The following MAP3K3 variants were observed in gnomAD, a reference collection of about 807,000 sequenced individuals.
The protein encoded by MAP3K3 is MAP/ERK kinase kinase 3.
A neutral mutation model predicts 80.9 loss-of-function variants in MAP3K3; 12 were observed. The ratio of observed to expected loss-of-function variants is 0.15; its 90% CI spans 0.10 to 0.24. The LOEUF is 0.24. Among genes scored for constraint, MAP3K3 ranks in the 10% least tolerant of loss-of-function variants. The pLI, the probability that MAP3K3 is intolerant of heterozygous loss-of-function variation, is 1.00. For missense variants in MAP3K3, 596 were observed against 834.7 expected (o/e 0.71, Z 3.52); for synonymous variants, 272 against 307.1 (o/e 0.89, Z 1.19).
At chr17:63,649,448 AG>A (rs368234944) in intron 3 of MAP3K3, among the ~76,000 whole-genome samples, 44,673 of 143,440 alleles carry the variant, frequency 0.31, 7,828 homozygotes, top group African/African-American at 0.53. Context: ...AAAAAAAAAA[AG>A]TAGACAGGAT....
At chr17:63,655,536 G>A (rs932758332) in intron 4 of MAP3K3, among the ~76,000 whole-genome samples, 2 of 152,122 alleles carry the variant, frequency 1.3e-5, no homozygotes, top group African/African-American at 4.8e-5. Flanking sequence ...TTGTTGCGCA[G>A]GCCAGAGTGC....
intron 1 of MAP3K3, among the ~76,000 whole-genome samples, chr17:63,627,622 A>T (rs553668464): frequency 8.5e-4 from 128 of 151,396 alleles, no homozygotes; most frequent in African/African-American, 3.1e-3. Flanking sequence ...TTGTATTTTT[A>T]GTAGAGACAG....
intron 6 of MAP3K3, among the ~76,000 whole-genome samples, chr17:63,669,990 G>A (rs957834320): frequency 6.6e-6 from 1 of 151,676 alleles, no homozygotes; most frequent in African/African-American, 2.4e-5. Context: ...GTAGTCCCAG[G>A]TACTTGGGAA....
intron 7 of MAP3K3, among the ~76,000 whole-genome samples, chr17:63,685,154 G>A (rs2143582579): frequency 6.6e-6 from 1 of 152,268 alleles, no homozygotes; most frequent in Non-Finnish European, 1.5e-5. Flanking sequence ...AGTGTAAACA[G>A]AAGCATTAAG....
intron 1 of MAP3K3, among the ~76,000 whole-genome samples, chr17:63,629,022 T>A (rs1421789444): frequency 6.6e-6 from 1 of 152,194 alleles, no homozygotes; most frequent in Non-Finnish European, 1.5e-5. Flanking sequence ...ATGAGGAAAT[T>A]GAGGTTTGGA....
intron 8 of MAP3K3, chr17:63,688,321 T>G: frequency 1.7e-6 from 1 of 604,530 alleles, no homozygotes; most frequent in Admixed American, 2.6e-5. Context: ...GATTTACCAC[T>G]CAGGGTGCTG....
At chr17:63,662,650 A>ATTTTTTTT (rs1192833142) in intron 5 of MAP3K3, among the ~76,000 whole-genome samples, 8 of 82,564 alleles carry the variant, frequency 9.7e-5, no homozygotes, top group Non-Finnish European at 1.1e-4. Flanking sequence ...AGAAGAGGGA[A>ATTTTTTTT]TTTTTTTTTT....
intron 7 of MAP3K3, among the ~76,000 whole-genome samples, chr17:63,685,277 C>T (rs1252809946): frequency 2.0e-5 from 3 of 152,242 alleles, no homozygotes; most frequent in African/African-American, 7.2e-5. Context: ...CTCTGCTTTG[C>T]TCTCCTGCCA....
Position 63,652,665 on chromosome 17 carries a change from G to A in MAP3K3, c.267+9G>A, listed in dbSNP as rs1283177089. 1 of 1,578,770 alleles carries A rather than the reference G, an allele frequency of 6.3e-7. No homozygotes were observed. Among genetic ancestry groups the A allele is most frequent in the Non-Finnish European group, 8.7e-7 (1 of 1,147,998 alleles). Reference sequence around the variant, plus strand: ...ATTACATGAACAATGAGGTGAGAAGGCAGATGGATGGGGCAGGGACAAGAG... The same window carrying A: ...ATTACATGAACAATGAGGTGAGAAGACAGATGGATGGGGCAGGGACAAGAG... On this transcript the variant is annotated intron_variant, in intron 4 of 15. Coordinates refer to ENST00000361733, the MANE Select transcript of MAP3K3 (RefSeq NM_002401.5).
rs1201696383 is a variant in MAP3K3, at chr17:63,689,467, T to C, written c.872-77T>C. 7.6e-7 allele frequency: 1 copy of C among 1,313,182 alleles called. No individual in the cohort carries two copies. 81.3% of individuals were successfully genotyped at this position (1,313,182 alleles called of 1,614,324 possible). A position where few individuals can be genotyped will look rare whatever the true frequency, so the allele number is the denominator to read the frequency against. ...ATATTCCGCCTTGTAGCCCGGGGTGTCTCAGACCTGGTTTGTACGTTCCGC... is the reference window on the plus strand; with the variant it reads ...ATATTCCGCCTTGTAGCCCGGGGTGCCTCAGACCTGGTTTGTACGTTCCGC... On this transcript the variant is annotated intron_variant, in intron 10 of 15. Transcript: ENST00000361733. This position sits in a 1 kb window ranked among gnomAD's most constrained non-coding sequence, Gnocchi z 4.3.
rs752434959 is a variant in MAP3K3 at position 63,692,165 on chromosome 17, A to G, written c.1475-77A>G. ...AGCCCTGCCCTCTCCAGCAGCTCTC[A>G]GTGACCCGGGGGTGGGGAGGATGGG... On this transcript the variant is annotated intron_variant, in intron 14 of 15. Transcript: ENST00000361733. The surrounding 1 kb of genome is among the most constrained non-coding windows in gnomAD (Gnocchi z 4.5). 42 of 1,544,762 alleles carry G rather than the reference A, an allele frequency of 2.7e-5. No homozygotes were observed. Among genetic ancestry groups the G allele is most frequent in the Non-Finnish European group, 3.3e-5 (37 of 1,125,674 alleles).
At chr17:63,626,624 A>G (rs1421032756) in intron 1 of MAP3K3, among the ~76,000 whole-genome samples, 1 of 152,234 alleles carries the variant, frequency 6.6e-6, no homozygotes, top group Non-Finnish European at 1.5e-5. Context: ...TTGAAGGATA[A>G]AAGTTTCTTA....
At chr17:63,643,725 A>G (rs980244462) in intron 2 of MAP3K3, among the ~76,000 whole-genome samples, 10 of 152,226 alleles carry the variant, frequency 6.6e-5, no homozygotes, top group South Asian at 2.1e-4. Flanking sequence ...AGACAGGACT[A>G]CAAACTTCAT....
intron 6 of MAP3K3, among the ~76,000 whole-genome samples, chr17:63,672,245 T>C (rs1161924954): frequency 1.4e-5 from 2 of 143,908 alleles, no homozygotes; most frequent in Non-Finnish European, 3.0e-5. Context: ...ATGGTGCCAT[T>C]GCACTCCAGC....
chr17:63,685,479 G>C (rs1288496099), intron 7 of MAP3K3, 38 bp from the exon 8 acceptor site: 6 of 1,552,266 alleles, frequency 3.9e-6, no homozygotes, highest in Non-Finnish European at 5.3e-6. Flanking sequence ...GGGAATTGGG[G>C]CTGGGGGTGT....
Position 63,690,349 on chromosome 17 carries a change from C to A in MAP3K3, c.1149C>A (p.Asp383Glu). Residue 383 changes from aspartate to glutamate, a missense_variant, in exon 12 of 16, where the codon GAC (aspartate) becomes GAA (glutamate). Around this residue, in one of 2 missense-constraint regions of MAP3K3, gnomAD observed 364 missense variants for 588.9 expected, o/e 0.62. Coordinates refer to ENST00000361733, the MANE Select transcript of MAP3K3 (RefSeq NM_002401.5). The part of the protein sequence containing the change: ...FGRVYLCYDV[D>E]TGRELASKQV... ...GGGTCTATTTGTGCTATGACGTGGA[C>A]ACGGGACGTGAACTTGCTTCCAAGC... The A allele has an allele frequency of 6.2e-7, 1 of 1,614,172 alleles. No homozygotes were observed. The highest frequency in any genetic ancestry group is 8.5e-7 in the Non-Finnish European group (1 of 1,180,038).
At chr17:63,660,086 T>C in intron 5 of MAP3K3, among the ~76,000 whole-genome samples, 1 of 152,246 alleles carries the variant, frequency 6.6e-6, no homozygotes, top group Non-Finnish European at 1.5e-5. Flanking sequence ...TCCAGGATAC[T>C]ATATCACCTG....
chr17:63,624,888 G>T (rs867984414), intron 1 of MAP3K3, among the ~76,000 whole-genome samples: 8 of 152,182 alleles, frequency 5.3e-5, no homozygotes, highest in South Asian at 2.1e-4. Flanking sequence ...AGAGCTCATT[G>T]AGGATATGTA....
chr17:63,629,039 A>G (rs1189107325), intron 1 of MAP3K3, among the ~76,000 whole-genome samples: 1 of 152,194 alleles, frequency 6.6e-6, no homozygotes, highest in Non-Finnish European at 1.5e-5. Context: ...TGGAGAGAAT[A>G]AATGATTTGC....
Sources: allele counts gnomAD v4.1 joint callset (sites outside exome capture counted in the v4.1 genomes callset), GRCh38; gene constraint gnomAD v4.1.1; regional missense constraint gnomAD v4.1.1; non-coding constraint Gnocchi (gnomAD v3.1); transcripts MANE v1.5; gene names NCBI Gene and HGNC (gene_info 2026-07-23, HGNC 2026-07-21).